Variants in EHBP1 observed in about 807,000 individuals in gnomAD.
The protein encoded by EHBP1 is EH domain-binding protein 1.
In EHBP1, 55 loss-of-function variants were observed where a neutral mutation model predicts 144.0. That is an observed-to-expected ratio of 0.38 (90% CI 0.31 to 0.48). The LOEUF (loss-of-function observed/expected upper bound fraction) is 0.48, where lower values mean the gene tolerates loss of function less well. EHBP1 is among the 20% of genes least tolerant of loss of function. The pLI is 0.98. For missense variants in EHBP1, 1,200 were observed against 1,364.2 expected, an observed-to-expected ratio of 0.88 and a Z score of 1.90; for synonymous variants, 469 against 472.7, an observed-to-expected ratio of 0.99 and a Z score of 0.10.
intron 2 of EHBP1, among the ~76,000 whole-genome samples, chr2:62,745,128 A>T (rs2039031689): frequency 6.6e-6 from 1 of 152,056 alleles, no homozygotes; most frequent in Admixed American, 6.6e-5. Context: ...TAATTAACCA[A>T]TTGGGAGTTC....
At chr2:62,862,942 A>G (rs934202832) in intron 8 of EHBP1, among the ~76,000 whole-genome samples, 1 of 152,054 alleles carries the variant, frequency 6.6e-6, no homozygotes, top group African/African-American at 2.4e-5. Flanking sequence ...GCTAAGTACT[A>G]CTACTACTAT....
chr2:62,784,573 A>G (rs2042678960), intron 5 of EHBP1, among the ~76,000 whole-genome samples: 1 of 152,204 alleles, frequency 6.6e-6, no homozygotes, highest in Non-Finnish European at 1.5e-5. Flanking sequence ...GGCATGGGAA[A>G]GGCTTTATGG....
intron 15 of EHBP1, among the ~76,000 whole-genome samples, chr2:62,986,504 G>A (rs559103895): frequency 1.0e-3 from 153 of 148,220 alleles, no homozygotes; most frequent in African/African-American, 3.6e-3. Flanking sequence ...GTGCAGTGGC[G>A]CGATCTCGGC....
chr2:63,041,993 G>T (rs914069904), intron 21 of EHBP1, among the ~76,000 whole-genome samples: 1 of 152,126 alleles, frequency 6.6e-6, no homozygotes, highest in Non-Finnish European at 1.5e-5. Flanking sequence ...ATAAAAAAGA[G>T]TTTTTTAAAC....
intron 2 of EHBP1, among the ~76,000 whole-genome samples, chr2:62,723,310 T>A (rs967512068): frequency 1.3e-5 from 2 of 152,204 alleles, no homozygotes; most frequent in South Asian, 4.1e-4. Context: ...ACTTTTGATT[T>A]TTTTTCTGTT....
intron 10 of EHBP1, among the ~76,000 whole-genome samples, chr2:62,935,344 A>AAATATATAT (rs1553479000): frequency 8.2e-6 from 1 of 121,488 alleles, no homozygotes; most frequent in Non-Finnish European, 1.7e-5. Context: ...AAAAAAAAAA[A>AAATATATAT]ATATATATAT....
chr2:62,832,376 A>C (rs1217679539), intron 7 of EHBP1, among the ~76,000 whole-genome samples: 1 of 150,548 alleles, frequency 6.6e-6, no homozygotes, highest in Non-Finnish European at 1.5e-5. Context: ...TTCTCATTAC[A>C]GGCATAGTTT....
chr2:62,738,624 G>A (rs924610412), intron 2 of EHBP1, among the ~76,000 whole-genome samples: 1 of 152,110 alleles, frequency 6.6e-6, no homozygotes, highest in Non-Finnish European at 1.5e-5. Context: ...CTGCTGTACT[G>A]GGGATAGTCA....
chr2:62,836,031 T>A (rs1221771437), intron 7 of EHBP1, among the ~76,000 whole-genome samples: 4 of 152,022 alleles, frequency 2.6e-5, no homozygotes, highest in Non-Finnish European at 5.9e-5. Flanking sequence ...GCTCCACCTC[T>A]GGGGGCAGGG....
At chr2:62,676,169 G>A (rs750407266) in intron 1 of EHBP1, among the ~76,000 whole-genome samples, 1 of 128,976 alleles carries the variant, frequency 7.8e-6, no homozygotes, top group Non-Finnish European at 1.7e-5. Flanking sequence ...AAATAGAGCT[G>A]CCCTCTTCAA....
intron 7 of EHBP1, among the ~76,000 whole-genome samples, chr2:62,845,389 A>G (rs536569600): frequency 1.5e-4 from 23 of 152,276 alleles, no homozygotes; most frequent in African/African-American, 5.1e-4. Flanking sequence ...AGAGAGTGAC[A>G]TATTTGGCTA....
intron 8 of EHBP1, among the ~76,000 whole-genome samples, chr2:62,862,250 C>T (rs1281215114): frequency 6.6e-6 from 1 of 152,066 alleles, no homozygotes; most frequent in Non-Finnish European, 1.5e-5. Flanking sequence ...ATGTTCTTTT[C>T]AACATAAAGA....
In EHBP1 at chr2:63,042,886, A is replaced by G. The variant is rs138345650; in HGVS notation, c.3278-2180A>G. ...TTTAATTTTTTTAATATAATTTTCA[A>G]TTTAATTCTATTTTTGAAAATGTAT... On this transcript the variant is annotated intron_variant, in intron 21 of 22. Transcript: ENST00000431489. Among the ~76,000 whole-genome samples the G allele has an allele frequency of 1.5e-3, 225 of 152,132 alleles. 1 individual carries two copies. Among genetic ancestry groups the G allele is most frequent in the Non-Finnish European group, 2.5e-3 (170 of 67,934 alleles).
intron 10 of EHBP1, among the ~76,000 whole-genome samples, chr2:62,876,948 T>C (rs943323612): frequency 4.6e-5 from 7 of 152,304 alleles, no homozygotes; most frequent in South Asian, 2.1e-4. Context: ...ATCAAATCTA[T>C]ATAACAATTA....
chr2:62,751,424 G>A (rs1246049030), intron 3 of EHBP1, among the ~76,000 whole-genome samples: 2 of 152,214 alleles, frequency 1.3e-5, no homozygotes, highest in East Asian at 1.9e-4. Context: ...ATGTTCATCA[G>A]GGATATTGGT....
At chr2:63,033,771 T>C (rs2061356341) in intron 19 of EHBP1, among the ~76,000 whole-genome samples, 1 of 152,128 alleles carries the variant, frequency 6.6e-6, no homozygotes, top group South Asian at 2.1e-4. Flanking sequence ...ATAAAAATAA[T>C]AACTTTGAAG....
chr2:62,900,889 A>G (rs1421648472), intron 10 of EHBP1, among the ~76,000 whole-genome samples: 1 of 152,060 alleles, frequency 6.6e-6, no homozygotes, highest in East Asian at 1.9e-4. Flanking sequence ...GTATTTGATT[A>G]TTTTTTATTA....
intron 15 of EHBP1, among the ~76,000 whole-genome samples, chr2:62,988,509 A>G (rs947211752): frequency 2.6e-5 from 4 of 152,190 alleles, no homozygotes; most frequent in Admixed American, 1.3e-4. Context: ...ATGATTTTAC[A>G]TATACTTAAC....
intron 7 of EHBP1, among the ~76,000 whole-genome samples, chr2:62,845,736 C>T (rs191296256): frequency 2.7e-4 from 41 of 149,774 alleles, no homozygotes; most frequent in Middle Eastern, 3.6e-3. Context: ...TGGTGGCATG[C>T]GCCTGTAGTC....
Sources: allele counts gnomAD v4.1 joint callset (sites outside exome capture counted in the v4.1 genomes callset), GRCh38; gene constraint gnomAD v4.1.1; transcripts MANE v1.5; gene names NCBI Gene and HGNC (gene_info 2026-07-23, HGNC 2026-07-21).